SYNE1: variants seen among roughly 807,000 people sequenced by gnomAD.
SYNE1 encodes the protein spectrin repeat containing nuclear envelope protein 1, also known as nesprin-1.
A neutral mutation model predicts 1,111.0 loss-of-function variants in SYNE1; 616 were observed. That is an observed-to-expected ratio of 0.55 (90% CI 0.52 to 0.59). SYNE1 has a LOEUF of 0.59. Among genes scored for constraint, SYNE1 ranks in the 20% least tolerant of loss-of-function variants. The pLI is 0.00. For synonymous variants in SYNE1, 3,855 were observed against 3,825.8 expected (o/e 1.01, Z -0.28); for missense variants, 10,006 against 10,417.0 (o/e 0.96, Z 1.72).
Position 152,436,115 on chromosome 6 carries a change from T to C in SYNE1, c.4150-14A>G, listed in dbSNP as rs1320990620. 1.2e-6 allele frequency: 2 copies of C among 1,613,316 alleles called. No homozygotes were observed. Among genetic ancestry groups the C allele is most frequent in the Non-Finnish European group, 1.7e-6 (2 of 1,179,854 alleles). Reference sequence around the variant, plus strand: ...TTTAGAAAACTCCTAGAAAAAATATTATGATCATTAGGTAGGCACTTTATA... The same window carrying C: ...TTTAGAAAACTCCTAGAAAAAATATCATGATCATTAGGTAGGCACTTTATA... On this transcript the variant is annotated splice_polypyrimidine_tract_variant and intron_variant, in intron 32 of 145. Coordinates refer to ENST00000367255, the MANE Select transcript of SYNE1 (RefSeq NM_182961.4).
chr6:152,534,170 A>AATGAATGAATG (rs1564693542), intron 4 of SYNE1, among the ~76,000 whole-genome samples: 1 of 146,084 alleles, frequency 6.8e-6, no homozygotes, highest in African/African-American at 2.7e-5. Flanking sequence ...AAAAATAAAT[A>AATGAATGAATG]AATGAATGAA....
intron 127 of SYNE1, among the ~76,000 whole-genome samples, chr6:152,200,124 A>C (rs1312924016): frequency 6.6e-6 from 1 of 152,206 alleles, no homozygotes; most frequent in Non-Finnish European, 1.5e-5. Context: ...GTACATAATA[A>C]CACCACCACC....
chr6:152,581,514 A>G (rs143591154), intron 3 of SYNE1, among the ~76,000 whole-genome samples: 379 of 152,346 alleles, frequency 2.5e-3, no homozygotes, highest in African/African-American at 8.3e-3. Flanking sequence ...TGCAGTTACC[A>G]TGTGGTGAGT....
intron 95 of SYNE1, among the ~76,000 whole-genome samples, chr6:152,291,097 TATG>T (rs1453590338): frequency 2.8e-5 from 4 of 141,490 alleles, no homozygotes; most frequent in Non-Finnish European, 3.1e-5. Context: ...ATTATATTAA[TATG>T]ATATATTAAT....
rs116939102 is a variant in SYNE1, at chr6:152,447,603, G to A, written c.3524C>T (p.Thr1175Ile). The change falls in exon 29 of 146, where the codon ACC becomes ATC. Residue 1175 changes from threonine (T) to isoleucine (I), a missense_variant. Thr to Ile is a moderately conservative substitution (Grantham distance 89, BLOSUM62 -1). Transcript: ENST00000367255. ...RAVEEIRNGV[T>I]KRGETLSWLK... Reference sequence around the variant, plus strand: ...CCAGCTGAGGGTCTCACCCCTTTTGGTAACACCATTTCTGATCTCCTGAAA... The same window carrying A: ...CCAGCTGAGGGTCTCACCCCTTTTGATAACACCATTTCTGATCTCCTGAAA... The A allele has an allele frequency of 3.1e-6, 5 of 1,614,146 alleles. No individual in the cohort carries two copies. Among genetic ancestry groups the A allele is most frequent in the Non-Finnish European group, 4.2e-6 (5 of 1,180,020 alleles).
At chr6:152,212,614 C>G (rs922353072) in intron 123 of SYNE1, among the ~76,000 whole-genome samples, 10 of 152,078 alleles carry the variant, frequency 6.6e-5, no homozygotes, top group African/African-American at 2.4e-4. Context: ...TTTGTGTGGA[C>G]ACATATTTTC....
In SYNE1 at chr6:152,233,944, T is replaced by A. The variant is rs773506774; in HGVS notation, c.20549A>T (p.Asp6850Val). ...AGATGATTTCAGGGAAGATTGGGCATCCACTTCTTTAGAAAACTCCTGAAA... is the reference window on the plus strand; with the variant it reads ...AGATGATTTCAGGGAAGATTGGGCAACCACTTCTTTAGAAAACTCCTGAAA... ...NAFLEFSKEV[D>V]AQSSLKSSVL... Residue 6850 changes from aspartate (D) to valine (V), a missense_variant, in exon 112 of 146, where the codon GAT (aspartate) becomes GTT (valine). By Grantham distance (152) the Asp-to-Val change is radical. This residue lies in a region of SYNE1 where 2,182 missense variants were observed against 2,287.8 expected (regional missense o/e 0.95). Transcript: ENST00000367255. 6.8e-6 allele frequency: 11 copies of A among 1,614,042 alleles called. No individual in the cohort carries two copies. The highest frequency in any genetic ancestry group is 9.3e-6 in the Non-Finnish European group (11 of 1,180,036).
intron 14 of SYNE1, among the ~76,000 whole-genome samples, chr6:152,472,836 A>G (rs1293677905): frequency 6.6e-6 from 1 of 152,170 alleles, no homozygotes; most frequent in Non-Finnish European, 1.5e-5. Flanking sequence ...TTCTACTGTT[A>G]TTTTACTTTG....
Position 152,180,125 on chromosome 6 carries a change from G to C in SYNE1, c.23460+11C>G, listed in dbSNP as rs1215544333. The C allele has an allele frequency of 2.5e-6, 4 of 1,613,834 alleles. No homozygotes were observed. The highest frequency in any genetic ancestry group is 3.4e-6 in the Non-Finnish European group (4 of 1,179,904). ...GAAGAATGAAAACCTAAGTAGCCAT[G>C]CATTCCATACCTTCTTGAGCTTCTC... On this transcript the variant is annotated intron_variant, in intron 129 of 145. Coordinates refer to ENST00000367255, the MANE Select transcript of SYNE1 (RefSeq NM_182961.4).
chr6:152,435,102 C>G (rs1205508719), intron 33 of SYNE1: 2 of 151,956 alleles, frequency 1.3e-5, no homozygotes, highest in African/African-American at 2.4e-5. Context: ...AAATATGTAT[C>G]AAATTTTAAA....
In SYNE1 at chr6:152,453,652, G is replaced by A. The variant is rs1382257386; in HGVS notation, c.2961C>T (p.Asp987=). The change falls in exon 25 of 146, where the codon GAC becomes GAT. Residue 987 remains aspartate, a synonymous_variant. Transcript: ENST00000367255. ...CCTGCTGCTCCTGCTCTGGAAGGAT[G>A]TCGGTGAGTTCATCACAAGCTTTCA... is the stretch of plus-strand genomic sequence containing the variant. The part of the protein sequence containing the change: ...AFLKACDELT[D]ILPEQEQQGL... 6 of 1,614,076 alleles carry A rather than the reference G, an allele frequency of 3.7e-6. No individual in the cohort carries two copies. In the African/African-American group the frequency reaches 8.0e-5, roughly 22 times the overall value.
At chr6:152,220,814 G>C (rs754833235) in intron 119 of SYNE1, 28 bp downstream of exon 119, 8 of 1,605,308 alleles carry the variant, frequency 5.0e-6, no homozygotes, top group South Asian at 3.3e-5. Context: ...AGGGCATGTG[G>C]GGAAAACAAG....
chr6:152,296,156 C>CA lies in SYNE1; in HGVS notation c.17683-2030dup, dbSNP rs1256135683. 2.6e-5 allele frequency among the ~76,000 whole-genome samples: 4 copies of CA among 152,174 alleles called. No individual in the cohort carries two copies. In the South Asian group the frequency reaches 8.3e-4, roughly 31 times the overall value. On this transcript the variant is annotated intron_variant, in intron 93 of 145. Transcript: ENST00000367255. Reference sequence around the variant, plus strand: ...GCTCTCACCAGCTTCTTCTCTTTGACAAAAAATGATGAATTTTCATCCCTT... The same window carrying CA: ...GCTCTCACCAGCTTCTTCTCTTTGACAAAAAAATGATGAATTTTCATCCCTT...
intron 127 of SYNE1, 54 bp from the exon 128 acceptor site, chr6:152,189,461 T>C (rs2153229835): frequency 6.3e-7 from 1 of 1,584,966 alleles, no homozygotes. Flanking sequence ...CAATGATTTC[T>C]GAAGTGTTTT....
rs1490187399 is a variant in SYNE1, at chr6:152,331,723, A to G, written c.12962T>C (p.Leu4321Ser). 6.2e-7 allele frequency: 1 copy of G among 1,614,198 alleles called. No homozygotes were observed. Among genetic ancestry groups the G allele is most frequent in the Non-Finnish European group, 8.5e-7 (1 of 1,180,036 alleles). ...CTCAAGCTGAAACCAACGTTGCTCT[A>G]AATGACTCGTCTGTTCTTTGACTAA... Reference protein sequence around the residue: ...KELVKEQTSHLEQRWFQLEDL... With the variant: ...KELVKEQTSHSEQRWFQLEDL... The change falls in exon 78 of 146, where the codon TTA becomes TCA. Residue 4321 changes from leucine to serine, a missense_variant. Leu to Ser is a moderately radical substitution (Grantham distance 145, BLOSUM62 -2). Transcript: ENST00000367255.
intron 4 of SYNE1, among the ~76,000 whole-genome samples, chr6:152,530,198 T>G (rs142236392): frequency 4.6e-5 from 7 of 152,338 alleles, no homozygotes; most frequent in African/African-American, 1.7e-4. Context: ...AAGTCTGTCT[T>G]GCCCAGTTGG....
chr6:152,591,055 A>T (rs1401255761), intron 3 of SYNE1, among the ~76,000 whole-genome samples: 1 of 151,992 alleles, frequency 6.6e-6, no homozygotes, highest in East Asian at 1.9e-4. Context: ...GTTGTCTCTG[A>T]TTTCTTTCAG....
chr6:152,482,539 A>T (rs1376399908), intron 14 of SYNE1, among the ~76,000 whole-genome samples: 1 of 152,188 alleles, frequency 6.6e-6, no homozygotes, highest in Non-Finnish European at 1.5e-5. Flanking sequence ...CTGTAATATC[A>T]CAAAACACAA....
In SYNE1 at chr6:152,323,667, G is replaced by C; in HGVS notation, c.15728C>G (p.Ser5243Trp). ...AAGAAGAGTTAAGAGCTCTGCTTTC[G>C]ATGCTTTCTCTGCTGAACTTCCAGG... ...KLPGSSAEKA[S>W]KAELLTLLEY... The change falls in exon 82 of 146, where the codon TCG (serine) becomes TGG (tryptophan). Residue 5243 changes from serine to tryptophan, a missense_variant. By Grantham distance (177) the Ser-to-Trp change is radical. Around this residue, in one of 7 missense-constraint regions of SYNE1, gnomAD observed 4,955 missense variants for 5,017.2 expected, o/e 0.99. Transcript: ENST00000367255. 6.2e-7 allele frequency: 1 copy of C among 1,614,210 alleles called. No individual in the cohort carries two copies. The highest frequency in any genetic ancestry group is 1.1e-5 in the South Asian group (1 of 91,086).
Sources: gnomAD v4.1 joint callset for allele counts (sites outside exome capture counted in the v4.1 genomes callset) on GRCh38, gnomAD v4.1.1 for gene constraint, gnomAD v4.1.1 regional missense constraint, MANE v1.5 for transcripts, NCBI Gene and HGNC (gene_info 2026-07-23, HGNC 2026-07-21) for gene names.